Variants in PRH1 observed in about 807,000 individuals in gnomAD.
The protein encoded by PRH1 is salivary acidic proline-rich phosphoprotein 1/2.
Under a neutral mutation model 7.9 loss-of-function variants are expected in PRH1, and 7 were observed. That is an observed-to-expected ratio of 0.89 (90% CI 0.50 to 1.67). The LOEUF is 1.67. Ranked by LOEUF, PRH1 falls within the 40% of genes most tolerant of loss-of-function variation. The probability of loss-of-function intolerance (pLI) is 0.00; values close to 1 mark genes in which losing one functional copy is unlikely to be tolerated. For missense variants in PRH1, 109 were observed against 223.6 expected (o/e 0.49, Z 3.27); for synonymous variants, 45 against 80.8 (o/e 0.56, Z 2.38).
chr12:11,046,809 CT>C (rs1453873941), intron 1 of PRH1, among the ~76,000 whole-genome samples: 1 of 152,044 alleles, frequency 6.6e-6, no homozygotes, highest in Non-Finnish European at 1.5e-5. Flanking sequence ...CTTTGGCCCA[CT>C]ATTTCATGTA....
rs1944358034 is a variant in PRH1 at position 11,078,019 on chromosome 12, A to G, written n.124-30831T>C. 5 of 715,622 alleles carry G rather than the reference A, an allele frequency of 7.0e-6. No homozygotes were observed. The Admixed American group carries it at 8.8e-5, about 13-fold the overall frequency. 44.3% of individuals were successfully genotyped at this position (715,622 alleles called of 1,614,324 possible). ...AACAGCTCCTACTTCTGAACTATAT[A>G]AAGCTGAATTAAACACATTTGCATA... On this transcript the variant is annotated intron_variant and non_coding_transcript_variant, in intron 1 of 4. Coordinates refer to the PRH1 transcript ENST00000541977.
chr12:11,014,272 A>G (rs949840186), intron 1 of PRH1, among the ~76,000 whole-genome samples: 1 of 151,986 alleles, frequency 6.6e-6, no homozygotes, highest in African/African-American at 2.4e-5. Context: ...GTTTAGAGAC[A>G]AAAGAGAACT....
At chr12:11,061,372 G>C in intron 1 of PRH1, 1 of 1,612,508 alleles carries the variant, frequency 6.2e-7, no homozygotes, top group Non-Finnish European at 8.5e-7. Flanking sequence ...AATCTATGAA[G>C]ATGAAGGCTT....
intron 1 of PRH1, among the ~76,000 whole-genome samples, chr12:10,993,108 C>A (rs766274207): frequency 1.3e-5 from 2 of 152,208 alleles, no homozygotes; most frequent in Non-Finnish European, 2.9e-5. Context: ...TGCACATTAG[C>A]ATAAACTTAA....
chr12:10,887,443 T>C (rs187914069), upstream of PRH1, among the ~76,000 whole-genome samples: 418 of 152,292 alleles, frequency 2.7e-3, no homozygotes, highest in Non-Finnish European at 4.1e-3. Context: ...GCCAATTAAC[T>C]ATTAAAAATA....
At chr12:11,062,989 C>A (rs1320829069) in intron 1 of PRH1, among the ~76,000 whole-genome samples, 3 of 151,980 alleles carry the variant, frequency 2.0e-5, no homozygotes, top group Admixed American at 6.6e-5. Context: ...AAATTATTTT[C>A]TCATCAGTTC....
chr12:11,004,771 C>A (rs184654199), intron 1 of PRH1, among the ~76,000 whole-genome samples: 1 of 151,834 alleles, frequency 6.6e-6, no homozygotes, highest in African/African-American at 2.4e-5. Flanking sequence ...TCAATCATTA[C>A]GTCAAATGAC....
At chr12:11,066,397 T>G (rs1298854583) in intron 1 of PRH1, among the ~76,000 whole-genome samples, 1 of 152,026 alleles carries the variant, frequency 6.6e-6, no homozygotes, top group Non-Finnish European at 1.5e-5. Flanking sequence ...ATCTAAATTG[T>G]TTCTATAGTG....
rs558939586 is a variant in PRH1 at position 10,997,132 on chromosome 12, C to T, written c.-125-23411G>A. 1.6e-4 allele frequency: 254 copies of T among 1,614,020 alleles called. 4 individuals are homozygous for T. The East Asian group carries it at 5.3e-3, about 34-fold the overall frequency. On this transcript the variant is annotated intron_variant, in intron 1 of 3. Coordinates refer to the PRH1 transcript ENST00000539853. Reference sequence around the variant, plus strand: ...TTGGTCGCATCTTAAAATTCCAAAACGATATGATTAGACACAGAAAGTAAA... The same window carrying T: ...TTGGTCGCATCTTAAAATTCCAAAATGATATGATTAGACACAGAAAGTAAA...
intron 1 of PRH1, among the ~76,000 whole-genome samples, chr12:11,113,296 C>A (rs1385847801): frequency 1.3e-5 from 2 of 152,180 alleles, no homozygotes; most frequent in Admixed American, 1.3e-4. Context: ...AGGCATCACA[C>A]TACCTGGCTT....
At chr12:11,169,573 G>C (rs1416395418) in intron 1 of PRH1, among the ~76,000 whole-genome samples, 3 of 152,106 alleles carry the variant, frequency 2.0e-5, no homozygotes, top group Non-Finnish European at 2.9e-5. Context: ...GCACAAAAGA[G>C]GAATAGAAGA....
At chr12:10,904,207 C>A (rs1432240882) in intron 2 of PRH1, among the ~76,000 whole-genome samples, 1 of 151,136 alleles carries the variant, frequency 6.6e-6, no homozygotes, top group African/African-American at 2.4e-5. Context: ...AAAAAAAGAG[C>A]CCAAATAGCA....
At chr12:11,040,766 T>A (rs1036701094) in intron 1 of PRH1, among the ~76,000 whole-genome samples, 1 of 152,162 alleles carries the variant, frequency 6.6e-6, no homozygotes, top group African/African-American at 2.4e-5. Flanking sequence ...AAGATATTAA[T>A]AGTGAAAACA....
intron 1 of PRH1, among the ~76,000 whole-genome samples, chr12:11,052,338 T>A (rs927227406): frequency 6.6e-6 from 1 of 152,368 alleles, no homozygotes; most frequent in African/African-American, 2.4e-5. Context: ...ACTGAAGACA[T>A]GATTCCTTTG....
chr12:11,109,926 A>T (rs1348742411), intron 1 of PRH1, among the ~76,000 whole-genome samples: 1 of 152,166 alleles, frequency 6.6e-6, no homozygotes, highest in Non-Finnish European at 1.5e-5. Flanking sequence ...CCTTGAAAAA[A>T]GGTTAGAGCA....
At chr12:11,146,719 C>A (rs1007891985) in intron 1 of PRH1, among the ~76,000 whole-genome samples, 1 of 152,084 alleles carries the variant, frequency 6.6e-6, no homozygotes, top group Admixed American at 6.5e-5. Context: ...ATGTTTAGAT[C>A]TTAGTCCTTT....
intron 2 of PRH1, among the ~76,000 whole-genome samples, chr12:10,925,902 T>C (rs188268452): frequency 4.3e-4 from 66 of 152,330 alleles, no homozygotes; most frequent in African/African-American, 1.6e-3. Context: ...ACCTAAGTCA[T>C]GTCATCTATA....
At chr12:11,001,829 A>G (rs549506247) in intron 1 of PRH1, among the ~76,000 whole-genome samples, 1 of 152,266 alleles carries the variant, frequency 6.6e-6, no homozygotes, top group Admixed American at 6.5e-5. Flanking sequence ...CCATAAATAA[A>G]CTTTGCAATA....
intron 1 of PRH1, among the ~76,000 whole-genome samples, chr12:11,135,581 T>C (rs1354023014): frequency 8.3e-6 from 1 of 119,984 alleles, no homozygotes; most frequent in Non-Finnish European, 1.9e-5. Flanking sequence ...AGGGTTTCTC[T>C]TGCAGAAAAA....
Sources: gnomAD v4.1 joint callset for allele counts (sites outside exome capture counted in the v4.1 genomes callset) on GRCh38, gnomAD v4.1.1 for gene constraint, MANE v1.5 for transcripts, NCBI Gene and HGNC (gene_info 2026-07-23, HGNC 2026-07-21) for gene names.